ANKAR: variants seen among roughly 807,000 people sequenced by gnomAD.
ANKAR encodes ankyrin and armadillo repeat-containing protein.
In ANKAR, 136 loss-of-function variants were observed where a neutral mutation model predicts 146.2. The ratio of observed to expected loss-of-function variants is 0.93; its 90% confidence interval spans 0.81 to 1.07. The LOEUF (loss-of-function observed/expected upper bound fraction) is 1.07. Ranked by LOEUF, ANKAR falls within the 50% of genes least tolerant of loss-of-function variation. ANKAR has a pLI of 0.00. For synonymous variants in ANKAR, 500 were observed against 575.8 expected (o/e 0.87, Z 1.88); for missense variants, 1,567 against 1,679.9 (o/e 0.93, Z 1.18).
At chr2:189,727,471 G>T (rs992802942) in intron 12 of ANKAR, among the ~76,000 whole-genome samples, 2 of 117,994 alleles carry the variant, frequency 1.7e-5, no homozygotes, top group South Asian at 5.8e-4. Context: ...AGTGAGCTGA[G>T]ATCACACACA....
At position 189,745,027 on chromosome 2, in the gene ANKAR, C is replaced by CTACTACTACTACTACTACTACTAA. The variant is rs376824673; in HGVS notation, c.4057+241_4057+242insCTACTACTACTACTACTACTAATA. Among the ~76,000 whole-genome samples the CTACTACTACTACTACTACTACTAA allele has an allele frequency of 1.8e-3, 235 of 131,108 alleles. 1 individual carries two copies. The highest frequency in any genetic ancestry group is 0.018 in the South Asian group (64 of 3,596). The allele number at this position is 131,108 out of a possible 152,430, so 86.0% of individuals were successfully genotyped here. On this transcript the variant is annotated intron_variant, in intron 22 of 22. Coordinates refer to ENST00000684021, the MANE Select transcript of ANKAR (RefSeq NM_001378068.1). ...ACTACTACTACTACTACTACTACTACTAATAATACAAAAATTAGCCAGGCA... is the reference window on the plus strand; with the variant it reads ...ACTACTACTACTACTACTACTACTACTACTACTACTACTACTACTACTAATAATAATACAAAAATTAGCCAGGCA...
rs377665148 is a variant in ANKAR at position 189,746,391 on chromosome 2, C to T, written c.4069C>T (p.Arg1357Ter). 1.2e-5 allele frequency: 19 copies of T among 1,604,684 alleles called. No individual in the cohort carries two copies. Among genetic ancestry groups the T allele is most frequent in the South Asian group, 2.3e-5 (2 of 88,844 alleles). Residue 1357 changes from arginine (R) to a stop codon, truncating the protein, a stop_gained, in exon 23 of 23, where the codon CGA becomes TGA. Transcript: ENST00000684021. LOFTEE classifies it high-confidence loss of function. ...IPIFKRGKEH[R>*]RKLKPKIQPK... ...TGGCTAATTTTTAGGGAAGGAGCACCGAAGAAAATTAAAACCTAAAATTCA... is the reference window on the plus strand; with the variant it reads ...TGGCTAATTTTTAGGGAAGGAGCACTGAAGAAAATTAAAACCTAAAATTCA...
downstream of ANKAR, chr2:189,750,403 CTT>C (rs1288854220): frequency 9.0e-6 from 4 of 444,936 alleles, no homozygotes; most frequent in Admixed American, 1.7e-4. Context: ...CCTTGTAAGA[CTT>C]TTAACACATT....
intron 7 of ANKAR, among the ~76,000 whole-genome samples, chr2:189,704,649 A>C (rs1275016338): frequency 2.1e-5 from 3 of 144,308 alleles, no homozygotes; most frequent in Non-Finnish European, 3.0e-5. Context: ...AGTAAAATGG[A>C]AAATAAACAA....
At position 189,720,762 on chromosome 2, in the gene ANKAR, T is replaced by C; in HGVS notation, c.2610T>C (p.Leu870=). 1 of 1,500,650 alleles carries C rather than the reference T, an allele frequency of 6.7e-7. No individual in the cohort carries two copies. Among genetic ancestry groups the C allele is most frequent in the South Asian group, 1.4e-5 (1 of 70,080 alleles). The allele number at this position is 1,500,650 out of a possible 1,614,324, so 93.0% of individuals were successfully genotyped here. A position where few individuals can be genotyped will look rare whatever the true frequency, so the allele number is the denominator to read the frequency against. ...AVREHKGLPY[L]IRFLSSDSDV... is the part of the protein sequence containing the mutation. Reference sequence around the variant, plus strand: ...GAGAACATAAAGGCCTCCCATATCTTATCAGATTTCTGAGTTCTGATTCAG... The same window carrying C: ...GAGAACATAAAGGCCTCCCATATCTCATCAGATTTCTGAGTTCTGATTCAG... The change falls in exon 12 of 23, where the codon CTT becomes CTC. Residue 870 remains leucine, a synonymous_variant. Transcript: ENST00000684021.
rs548563372 is a variant in ANKAR at position 189,702,991 on chromosome 2, T to C, written c.1709-2032T>C. Among the ~76,000 whole-genome samples the C allele has an allele frequency of 3.9e-5, 6 of 152,320 alleles. No homozygotes were observed. The East Asian group carries it at 5.8e-4, about 15-fold the overall frequency. On this transcript the variant is annotated intron_variant, in intron 7 of 22. Transcript: ENST00000684021. ...AGTGAAAGTGCACTATTAATAATTA[T>C]GCTAGTGCAACAGACATTGACCAGT...
At chr2:189,685,739 A>T (rs2035488328) in intron 2 of ANKAR, among the ~76,000 whole-genome samples, 1 of 152,010 alleles carries the variant, frequency 6.6e-6, no homozygotes, top group Non-Finnish European at 1.5e-5. Flanking sequence ...GCTTGGAGGG[A>T]GGGCTGTGAG....
intron 18 of ANKAR, chr2:189,755,087 A>T: frequency 1.4e-6 from 2 of 1,454,728 alleles, no homozygotes; most frequent in Non-Finnish European, 1.9e-6. Context: ...AGAAATATTT[A>T]GGTGAATGGT....
chr2:189,733,042 C>T, intron 16 of ANKAR, 65 bp from the exon 17 acceptor site: 2 of 1,471,900 alleles, frequency 1.4e-6, no homozygotes, highest in Non-Finnish European at 1.8e-6. Context: ...TAAATGCCTG[C>T]ACAATGAAAT....
At chr2:189,738,039 TA>T (rs1387966389) in intron 18 of ANKAR, among the ~76,000 whole-genome samples, 198 bp downstream of exon 18, 2 of 152,198 alleles carry the variant, frequency 1.3e-5, no homozygotes, top group African/African-American at 4.8e-5. Flanking sequence ...TTACAAGTTA[TA>T]AGACACTTGC....
In ANKAR at chr2:189,760,038, T is replaced by G. The variant is rs572221654; in HGVS notation, c.*585-1060T>G. Among the ~76,000 whole-genome samples the G allele has an allele frequency of 6.6e-5, 10 of 152,304 alleles. 1 individual carries two copies. The South Asian group carries it at 1.0e-3, about 16-fold the overall frequency. On this transcript the variant is annotated intron_variant and NMD_transcript_variant, in intron 18 of 18. Transcript: ENST00000441800. ...GCCCTTAATCCATTTAACCCTGAGTTGACACAGCACATGTTTCAGAGAGCA... is the reference window on the plus strand; with the variant it reads ...GCCCTTAATCCATTTAACCCTGAGTGGACACAGCACATGTTTCAGAGAGCA...
In ANKAR at chr2:189,676,974, T is replaced by C; in HGVS notation, c.484T>C (p.Tyr162His). ...YMLKALWHGIYMPKEKRARFS... is the reference protein window; with the variant it reads ...YMLKALWHGIHMPKEKRARFS... ...GCTGAAAGCACTATGGCATGGAATA[T>C]ATATGCCCAAAGAAAAACGAGCTAG... Residue 162 changes from tyrosine (Y) to histidine (H), a missense_variant, in exon 2 of 23, where the codon TAT (tyrosine) becomes CAT (histidine). Physicochemically the swap from Tyr to His is moderately conservative, Grantham distance 83 (BLOSUM62 2). Coordinates refer to ENST00000684021, the MANE Select transcript of ANKAR (RefSeq NM_001378068.1). The C allele has an allele frequency of 6.2e-7, 1 of 1,613,950 alleles. No individual in the cohort carries two copies. The highest frequency in any genetic ancestry group is 8.5e-7 in the Non-Finnish European group (1 of 1,180,008).
intron 17 of ANKAR, among the ~76,000 whole-genome samples, chr2:189,736,334 A>C (rs551929540): frequency 6.6e-6 from 1 of 152,244 alleles, no homozygotes; most frequent in Non-Finnish European, 1.5e-5. Context: ...ACCTTGATAC[A>C]CAAAGCATGC....
intron 7 of ANKAR, among the ~76,000 whole-genome samples, chr2:189,704,610 A>G (rs2038660605): frequency 8.0e-6 from 1 of 124,430 alleles, no homozygotes; most frequent in Non-Finnish European, 1.7e-5. Flanking sequence ...TTTAATTTCA[A>G]AGGATCTTAT....
At chr2:189,749,195 G>T (rs555796012), downstream of ANKAR, among the ~76,000 whole-genome samples, 6 of 140,544 alleles carry the variant, frequency 4.3e-5, no homozygotes, top group East Asian at 1.3e-3. Flanking sequence ...GCAGTGAGCC[G>T]AGATCGAGCC....
intron 12 of ANKAR, among the ~76,000 whole-genome samples, chr2:189,726,518 C>T (rs1412320422): frequency 6.6e-6 from 1 of 151,974 alleles, no homozygotes; most frequent in African/African-American, 2.4e-5. Flanking sequence ...CAAACAAACC[C>T]AAACTGAGGA....
At chr2:189,727,672 T>C in intron 12 of ANKAR, 184 bp from the exon 13 acceptor site, 1 of 625,754 alleles carries the variant, frequency 1.6e-6, no homozygotes, top group South Asian at 2.4e-5. Context: ...CATGAGATTA[T>C]GCCAAATGTT....
intron 5 of ANKAR, among the ~76,000 whole-genome samples, chr2:189,694,625 G>A (rs895337580): frequency 6.6e-6 from 1 of 152,138 alleles, no homozygotes; most frequent in African/African-American, 2.4e-5. Flanking sequence ...GTAAACTCTC[G>A]AGGAGCCAGA....
downstream of ANKAR, chr2:189,750,451 G>T (rs1225078): frequency 0.4 from 3,525 of 8,854 alleles, 2 homozygotes; most frequent in South Asian, 0.47. Flanking sequence ...ACATCAAATA[G>T]AAAAAAAAAA....
Sources: allele counts gnomAD v4.1 joint callset (sites outside exome capture counted in the v4.1 genomes callset), GRCh38; gene constraint gnomAD v4.1.1; transcripts MANE v1.5; gene names NCBI Gene and HGNC (gene_info 2026-07-23, HGNC 2026-07-21).